Variants in FARS2 observed in about 807,000 individuals in gnomAD.
FARS2 encodes phenylalanine--tRNA ligase, mitochondrial.
A neutral mutation model predicts 46.4 loss-of-function variants in FARS2; 40 were observed. The observed-to-expected ratio is 0.86, with a 90% CI of 0.67 to 1.12. The LOEUF (loss-of-function observed/expected upper bound fraction) is 1.12. Among genes scored for constraint, FARS2 ranks in the 50% most tolerant of loss-of-function variants. The pLI is 0.00. For missense variants in FARS2, 513 were observed against 567.9 expected (o/e 0.90, Z 0.98); for synonymous variants, 234 against 214.9 (o/e 1.09, Z -0.78).
chr6:5,754,347 G>A (rs1226565588), intron 6 of FARS2, among the ~76,000 whole-genome samples: 2 of 152,158 alleles, frequency 1.3e-5, no homozygotes, highest in African/African-American at 4.8e-5. Flanking sequence ...TGATTGTAAC[G>A]GCCAGGACAG....
At chr6:5,573,315 A>G (rs1772764225) in intron 5 of FARS2, among the ~76,000 whole-genome samples, 1 of 152,148 alleles carries the variant, frequency 6.6e-6, no homozygotes, top group South Asian at 2.1e-4. Context: ...ACAATAGGCA[A>G]CTTTTATTGA....
intron 6 of FARS2, among the ~76,000 whole-genome samples, chr6:5,638,416 T>G (rs1776646771): frequency 6.6e-6 from 1 of 152,086 alleles, no homozygotes; most frequent in South Asian, 2.1e-4. Flanking sequence ...AATACAAAAA[T>G]TAGCCGGATG....
intron 5 of FARS2, among the ~76,000 whole-genome samples, chr6:5,562,769 CTATT>C (rs1362729405): frequency 6.7e-6 from 1 of 148,270 alleles, no homozygotes; most frequent in African/African-American, 2.5e-5. Flanking sequence ...ATAAAATTAA[CTATT>C]TAACCATTTC....
upstream of FARS2, among the ~76,000 whole-genome samples, chr6:5,258,043 G>A (rs1476264160): frequency 6.6e-6 from 1 of 152,150 alleles, no homozygotes; most frequent in Non-Finnish European, 1.5e-5. Context: ...GGGCACTCTA[G>A]ACAGGAGTGA....
At chr6:5,588,266 G>C (rs912501398) in intron 5 of FARS2, among the ~76,000 whole-genome samples, 1 of 152,130 alleles carries the variant, frequency 6.6e-6, no homozygotes, top group East Asian at 1.9e-4. Flanking sequence ...TGGTGTGGGC[G>C]TGGGCAGCAG....
rs147005090 is a variant in FARS2, at chr6:5,658,117, G to A, written c.1217+44797G>A. The stretch of plus-strand genomic sequence containing the variant: ...ACTAAAAGTACAAAGTTTGCTGGGC[G>A]TGGTGGTGCATGTCTGTAATCCCAG... On this transcript the variant is annotated intron_variant, in intron 6 of 6. Coordinates refer to ENST00000274680, the MANE Select transcript of FARS2 (RefSeq NM_006567.5). 3.9e-5 allele frequency among the ~76,000 whole-genome samples: 6 copies of A among 152,224 alleles called. No homozygotes were observed. The East Asian group carries it at 7.7e-4, about 20-fold the overall frequency.
intron 5 of FARS2, among the ~76,000 whole-genome samples, chr6:5,573,479 T>C (rs1249641005): frequency 6.6e-6 from 1 of 152,184 alleles, no homozygotes. Flanking sequence ...GTAGGTATTA[T>C]TGTTAACCCC....
chr6:5,469,602 T>G (rs1765701510), intron 4 of FARS2, among the ~76,000 whole-genome samples: 3 of 152,194 alleles, frequency 2.0e-5, no homozygotes, highest in Non-Finnish European at 2.9e-5. Context: ...CGGCATCTCT[T>G]AAAGGAACTG....
At chr6:5,527,409 A>G (rs1769537535) in intron 4 of FARS2, among the ~76,000 whole-genome samples, 1 of 152,244 alleles carries the variant, frequency 6.6e-6, no homozygotes, top group African/African-American at 2.4e-5. Flanking sequence ...TGAACTCACT[A>G]AACTCTAGTT....
At chr6:5,545,364 A>G in intron 5 of FARS2, 24 bp downstream of exon 5, 1 of 1,573,006 alleles carries the variant, frequency 6.4e-7, no homozygotes, top group Non-Finnish European at 8.7e-7. Flanking sequence ...CAAGAACTGA[A>G]TAGATAATAA....
intron 6 of FARS2, among the ~76,000 whole-genome samples, chr6:5,749,350 G>A (rs1435496415): frequency 6.6e-6 from 1 of 152,248 alleles, no homozygotes; most frequent in Admixed American, 6.5e-5. Context: ...TGTTTTTAAA[G>A]GATCTCACCA....
At chr6:5,373,845 G>A (rs1184814492) in intron 2 of FARS2, among the ~76,000 whole-genome samples, 2 of 151,758 alleles carry the variant, frequency 1.3e-5, no homozygotes, top group Non-Finnish European at 2.9e-5. Flanking sequence ...AAATAAAAGG[G>A]GATGAAAACG....
intron 4 of FARS2, among the ~76,000 whole-genome samples, chr6:5,521,728 C>T (rs1769152808): frequency 6.6e-6 from 1 of 152,284 alleles, no homozygotes; most frequent in East Asian, 1.9e-4. Context: ...GGTGATACGA[C>T]CTCCCTGGGT....
chr6:5,515,165 A>G (rs1478013843), intron 4 of FARS2, among the ~76,000 whole-genome samples: 1 of 152,164 alleles, frequency 6.6e-6, no homozygotes, highest in African/African-American at 2.4e-5. Context: ...AAAGAGGTAC[A>G]TCTGACAGTA....
chr6:5,636,932 G>A (rs375373502), intron 6 of FARS2, among the ~76,000 whole-genome samples: 2 of 152,376 alleles, frequency 1.3e-5, no homozygotes, highest in African/African-American at 2.4e-5. Flanking sequence ...TGAGCACAGC[G>A]TGCCCCAGGG....
chr6:5,662,608 C>T (rs1393246201), intron 6 of FARS2, among the ~76,000 whole-genome samples: 1 of 152,188 alleles, frequency 6.6e-6, no homozygotes, highest in African/African-American at 2.4e-5. Context: ...TAGATCCATC[C>T]AAATGTGTAT....
chr6:5,293,695 CGTT>C (rs1337685456), intron 1 of FARS2, among the ~76,000 whole-genome samples: 8 of 151,908 alleles, frequency 5.3e-5, no homozygotes, highest in East Asian at 1.9e-4. Context: ...TTTTTGTTGT[CGTT>C]GTTCATCAAT....
intron 6 of FARS2, among the ~76,000 whole-genome samples, chr6:5,696,106 C>T (rs1561806912): frequency 6.6e-6 from 1 of 152,230 alleles, no homozygotes; most frequent in Non-Finnish European, 1.5e-5. Context: ...CCTCCATCTA[C>T]ATTGTCTGTG....
chr6:5,392,914 A>G (rs1397649154), intron 2 of FARS2, among the ~76,000 whole-genome samples: 2 of 81,596 alleles, frequency 2.5e-5, no homozygotes, highest in Non-Finnish European at 5.3e-5. Context: ...TATTATATAT[A>G]TGTATATATA....
Sources: allele counts gnomAD v4.1 joint callset (sites outside exome capture counted in the v4.1 genomes callset), GRCh38; gene constraint gnomAD v4.1.1; transcripts MANE v1.5; gene names NCBI Gene and HGNC (gene_info 2026-07-23, HGNC 2026-07-21).